TAF4B: variants seen among roughly 807,000 people sequenced by gnomAD.
TAF4B encodes transcription initiation factor TFIID subunit 4B.
TAF4B carries 38 observed loss-of-function variants against 86.4 expected under a neutral mutation model. That is an observed-to-expected ratio of 0.44 (90% confidence interval 0.34 to 0.58). TAF4B has a LOEUF of 0.58. Ranked by LOEUF, TAF4B falls within the 20% of genes least tolerant of loss-of-function variation. The pLI is 0.02. For missense variants in TAF4B, 988 were observed against 1,027.6 expected (o/e 0.96, Z 0.53); for synonymous variants, 388 against 391.2 (o/e 0.99, Z 0.10).
chr18:26,321,979 A>G (rs1406665407), intron 11 of TAF4B, among the ~76,000 whole-genome samples: 4 of 152,174 alleles, frequency 2.6e-5, no homozygotes, highest in Non-Finnish European at 5.9e-5. Context: ...GCTGTTATCA[A>G]GGTAAAATAA....
intron 13 of TAF4B, among the ~76,000 whole-genome samples, chr18:26,346,841 G>GTATATATATATA (rs1567913980): frequency 5.0e-4 from 8 of 16,068 alleles, no homozygotes; most frequent in Non-Finnish European, 1.4e-3. Flanking sequence ...ATATATGTGT[G>GTATATATATATA]TGTGTATATA....
At chr18:26,372,914 A>G (rs1439169762) in intron 14 of TAF4B, among the ~76,000 whole-genome samples, 2 of 150,534 alleles carry the variant, frequency 1.3e-5, no homozygotes, top group Non-Finnish European at 3.0e-5. Context: ...GCTTGCAGTG[A>G]GCCGAGATCG....
chr18:26,336,695 T>G (rs1319598620), intron 13 of TAF4B, among the ~76,000 whole-genome samples: 2 of 152,204 alleles, frequency 1.3e-5, no homozygotes, highest in Non-Finnish European at 2.9e-5. Flanking sequence ...GAGGATAGAT[T>G]ATTTAGGGAT....
chr18:26,292,518 A>G, intron 8 of TAF4B, 137 bp downstream of exon 8: 1 of 928,168 alleles, frequency 1.1e-6, no homozygotes, highest in Non-Finnish European at 1.6e-6. Flanking sequence ...AAACAGAAAG[A>G]TAATCGTTAG....
At chr18:26,284,689 C>A in intron 6 of TAF4B, among the ~76,000 whole-genome samples, 1 of 152,046 alleles carries the variant, frequency 6.6e-6, no homozygotes, top group Non-Finnish European at 1.5e-5. Flanking sequence ...ACCAGCCTGG[C>A]CAACATGGCT....
chr18:26,351,906 A>G (rs1480093471), intron 13 of TAF4B, among the ~76,000 whole-genome samples: 2 of 152,144 alleles, frequency 1.3e-5, no homozygotes, highest in Non-Finnish European at 2.9e-5. Context: ...GAGGATAAAG[A>G]GCCATATATA....
intron 13 of TAF4B, among the ~76,000 whole-genome samples, chr18:26,356,391 A>C (rs541722818): frequency 6.6e-6 from 1 of 152,298 alleles, no homozygotes; most frequent in South Asian, 2.1e-4. Flanking sequence ...TTACCTATTC[A>C]GTTATTCATT....
rs2057153846 is a variant in TAF4B, at chr18:26,343,666, A to G, written c.2316+8435A>G. ...GTTTGAAGTGTACAGGTCCACTTAT[A>G]TGTGGATTTTTTTCAACCACTTGTG... On this transcript the variant is annotated intron_variant, in intron 13 of 14. Transcript: ENST00000269142. Among the ~76,000 whole-genome samples the G allele has an allele frequency of 2.0e-5, 3 of 152,220 alleles. No homozygotes were observed. The South Asian group carries it at 6.2e-4, about 32-fold the overall frequency.
At chr18:26,336,889 A>T (rs1302779875) in intron 13 of TAF4B, among the ~76,000 whole-genome samples, 3 of 152,180 alleles carry the variant, frequency 2.0e-5, no homozygotes, top group Admixed American at 2.0e-4. Flanking sequence ...TCTTAGATTA[A>T]TTCTTCCTTC....
In TAF4B at chr18:26,302,371, A is replaced by ATTTTTTTTTTTTTTTTTTTTTTTTTT. The variant is rs66683595; in HGVS notation, c.1832+8861_1832+8862insTTTTTTTTTTTTTTTTTTTTTTTTTT. Among the ~76,000 whole-genome samples, 4 of 93,076 alleles carry ATTTTTTTTTTTTTTTTTTTTTTTTTT rather than the reference A, an allele frequency of 4.3e-5. 1 individual carries two copies. The highest frequency in any genetic ancestry group is 6.0e-5 in the Non-Finnish European group (3 of 49,926). The allele number at this position is 93,076 out of a possible 152,430, so 61.1% of individuals were successfully genotyped here. A position where few individuals can be genotyped will look rare whatever the true frequency, so the allele number is the denominator to read the frequency against. On this transcript the variant is annotated intron_variant, in intron 9 of 14. Transcript: ENST00000269142. Reference sequence around the variant, plus strand: ...TAAAAGTTTTGAAGTTTCATATTAAATTTTTTTTTTTTTTTTTTTTTGAGA... The same window carrying ATTTTTTTTTTTTTTTTTTTTTTTTTT: ...TAAAAGTTTTGAAGTTTCATATTAAATTTTTTTTTTTTTTTTTTTTTTTTTTTTTTTTTTTTTTTTTTTTTTTGAGA...
intron 14 of TAF4B, among the ~76,000 whole-genome samples, chr18:26,379,899 A>G (rs62085458): frequency 0.11 from 17,180 of 152,040 alleles, 989 homozygotes; most frequent in African/African-American, 0.14. Flanking sequence ...ATTTATACAT[A>G]GGTATATTTT....
chr18:26,359,218 A>T (rs1223574402), intron 14 of TAF4B, among the ~76,000 whole-genome samples: 3 of 152,206 alleles, frequency 2.0e-5, no homozygotes, highest in African/African-American at 4.8e-5. Flanking sequence ...AGGGTGTATG[A>T]CATTACTGTA....
At chr18:26,274,498 G>A (rs1031885735) in intron 3 of TAF4B, among the ~76,000 whole-genome samples, 165 bp from the exon 4 acceptor site, 3 of 152,174 alleles carry the variant, frequency 2.0e-5, no homozygotes, top group African/African-American at 7.2e-5. Context: ...ACCCAGATCT[G>A]CTAGACTCAA....
chr18:26,346,653 C>A (rs1227741233), intron 13 of TAF4B, among the ~76,000 whole-genome samples: 1 of 147,746 alleles, frequency 6.8e-6, no homozygotes, highest in Non-Finnish European at 1.5e-5. Flanking sequence ...GTAGATTTCT[C>A]AGCAGAAACT....
intron 5 of TAF4B, 24 bp from the exon 6 acceptor site, chr18:26,281,947 G>A (rs1568125563): frequency 1.3e-6 from 2 of 1,542,246 alleles, no homozygotes; most frequent in East Asian, 2.3e-5. Context: ...ACTTAAAATT[G>A]TTTCTATTTC....
intron 13 of TAF4B, among the ~76,000 whole-genome samples, chr18:26,347,469 A>G (rs2057209416): frequency 6.6e-6 from 1 of 152,232 alleles, no homozygotes; most frequent in Admixed American, 6.5e-5. Context: ...TTTTCTTTAC[A>G]GGAAAAGATC....
intron 13 of TAF4B, among the ~76,000 whole-genome samples, chr18:26,338,492 T>TC (rs1555683913): frequency 6.7e-6 from 1 of 148,212 alleles, no homozygotes; most frequent in African/African-American, 2.5e-5. Context: ...TTTTTTTTTT[T>TC]TGGGAGACGG....
chr18:26,284,405 C>T (rs1428530172), intron 6 of TAF4B, among the ~76,000 whole-genome samples: 2 of 152,200 alleles, frequency 1.3e-5, no homozygotes, highest in Non-Finnish European at 2.9e-5. Flanking sequence ...CTTTGAAGTT[C>T]CTTCAGGAAT....
At chr18:26,237,261 T>A (rs560988884) in intron 1 of TAF4B, among the ~76,000 whole-genome samples, 1 of 152,266 alleles carries the variant, frequency 6.6e-6, no homozygotes, top group African/African-American at 2.4e-5. Context: ...ATTCTTCTCA[T>A]TAAAGGCCAG....
Sources: allele counts gnomAD v4.1 joint callset (sites outside exome capture counted in the v4.1 genomes callset), GRCh38; gene constraint gnomAD v4.1.1; transcripts MANE v1.5; gene names NCBI Gene and HGNC (gene_info 2026-07-23, HGNC 2026-07-21).